Variants in GOLGA4 observed in about 807,000 individuals in gnomAD.
GOLGA4 encodes the protein golgin A4.
GOLGA4 carries 169 observed loss-of-function variants against 265.9 expected under a neutral mutation model. The observed-to-expected ratio is 0.64, with a 90% CI of 0.56 to 0.72. The LOEUF is 0.72. Among genes scored for constraint, GOLGA4 ranks in the 30% least tolerant of loss-of-function variants. The probability of loss-of-function intolerance (pLI) is 0.00; values close to 1 mark genes in which losing one functional copy is unlikely to be tolerated. For missense variants in GOLGA4, 2,482 were observed against 2,483.4 expected (o/e 1.00, Z 0.01); for synonymous variants, 923 against 855.8 (o/e 1.08, Z -1.37).
chr3:37,352,113 C>A (rs1317558888), intron 21 of GOLGA4, among the ~76,000 whole-genome samples: 1 of 152,034 alleles, frequency 6.6e-6, no homozygotes, highest in East Asian at 1.9e-4. Flanking sequence ...GGGTAATTTG[C>A]TGTACCTTCT....
intron 21 of GOLGA4, among the ~76,000 whole-genome samples, chr3:37,351,911 G>C (rs2097075813): frequency 6.6e-6 from 1 of 151,956 alleles, no homozygotes; most frequent in Non-Finnish European, 1.5e-5. Flanking sequence ...CTTCAACTGA[G>C]AGTCACAGGC....
intron 4 of GOLGA4, among the ~76,000 whole-genome samples, chr3:37,286,727 A>G (rs934906484): frequency 2.0e-5 from 3 of 152,170 alleles, no homozygotes; most frequent in Admixed American, 6.5e-5. Flanking sequence ...CTAACCTTCT[A>G]TGCTTTCCTT....
At chr3:37,307,631 CAAA>C (rs57627239) in intron 10 of GOLGA4, among the ~76,000 whole-genome samples, 4 of 130,258 alleles carry the variant, frequency 3.1e-5, no homozygotes, top group African/African-American at 5.7e-5. Context: ...GTTTCTCAGG[CAAA>C]AAAAAAAAAG....
intron 21 of GOLGA4, among the ~76,000 whole-genome samples, chr3:37,350,567 T>C (rs1199432777): frequency 1.3e-5 from 2 of 152,122 alleles, no homozygotes; most frequent in Non-Finnish European, 2.9e-5. Context: ...CAGAAACTGC[T>C]TCAGGTTATT....
intron 16 of GOLGA4, among the ~76,000 whole-genome samples, chr3:37,332,844 C>T (rs1303554932): frequency 6.6e-6 from 1 of 151,958 alleles, no homozygotes; most frequent in African/African-American, 2.4e-5. Context: ...CGTTTTTTCA[C>T]TTGTTCTTTT....
chr3:37,280,590 A>T (rs1251430751), intron 2 of GOLGA4, among the ~76,000 whole-genome samples: 14 of 152,354 alleles, frequency 9.2e-5, no homozygotes, highest in African/African-American at 3.4e-4. Context: ...CTTAGTCAAA[A>T]TGAGTTCACA....
chr3:37,358,672 C>T (rs2097096621), intron 22 of GOLGA4, among the ~76,000 whole-genome samples: 1 of 152,004 alleles, frequency 6.6e-6, no homozygotes, highest in South Asian at 2.1e-4. Flanking sequence ...TATTTAGCCT[C>T]CTTTTAGCAA....
intron 10 of GOLGA4, chr3:37,302,768 A>T (rs1047897349): frequency 9.0e-5 from 14 of 156,196 alleles, no homozygotes. Flanking sequence ...GCTTTAGGGT[A>T]AACAAAAAGT....
At chr3:37,293,767 G>A (rs114738544) in intron 5 of GOLGA4, among the ~76,000 whole-genome samples, 1,603 of 152,332 alleles carry the variant, frequency 0.011, 24 homozygotes, top group African/African-American at 0.034. Context: ...AGCAGGTATA[G>A]CTGAGAAAAG....
At chr3:37,317,917 A>T (rs1351997310) in intron 11 of GOLGA4, among the ~76,000 whole-genome samples, 6 of 147,136 alleles carry the variant, frequency 4.1e-5, no homozygotes, top group African/African-American at 7.5e-5. Flanking sequence ...TTCGTAGAAA[A>T]TTTTTTTTTT....
chr3:37,258,885 A>G (rs553892646), intron 2 of GOLGA4, among the ~76,000 whole-genome samples: 2 of 152,162 alleles, frequency 1.3e-5, no homozygotes, highest in African/African-American at 4.8e-5. Context: ...GGATTGATTC[A>G]TTAGTATTTT....
At chr3:37,265,760 G>A (rs1194721263) in intron 2 of GOLGA4, among the ~76,000 whole-genome samples, 1 of 152,044 alleles carries the variant, frequency 6.6e-6, no homozygotes, top group African/African-American at 2.4e-5. Context: ...ATTTTAGGCC[G>A]GTTGTGCTGG....
At chr3:37,256,193 C>G (rs996821085) in intron 2 of GOLGA4, among the ~76,000 whole-genome samples, 3 of 152,044 alleles carry the variant, frequency 2.0e-5, no homozygotes, top group African/African-American at 7.2e-5. Context: ...TGGCTGAGTT[C>G]TCTATTCTGT....
intron 7 of GOLGA4, among the ~76,000 whole-genome samples, chr3:37,297,968 G>T (rs2096882917): frequency 6.6e-6 from 1 of 152,048 alleles, no homozygotes; most frequent in Non-Finnish European, 1.5e-5. Context: ...GGTGGAGGTT[G>T]CAGTGAGCCG....
intron 10 of GOLGA4, among the ~76,000 whole-genome samples, chr3:37,303,086 T>C (rs1252806228): frequency 6.6e-6 from 1 of 152,226 alleles, no homozygotes; most frequent in African/African-American, 2.4e-5. Flanking sequence ...ACAGTGATCA[T>C]AGTGGGTGTG....
At chr3:37,273,900 G>A (rs1385590631) in intron 2 of GOLGA4, among the ~76,000 whole-genome samples, 1 of 152,110 alleles carries the variant, frequency 6.6e-6, no homozygotes, top group Non-Finnish European at 1.5e-5. Flanking sequence ...CCAAGAGTTC[G>A]AGACTAGCTT....
chr3:37,252,730 C>G (rs977965082), intron 2 of GOLGA4, among the ~76,000 whole-genome samples: 1 of 152,102 alleles, frequency 6.6e-6, no homozygotes, highest in South Asian at 2.1e-4. Context: ...TGATAACTAA[C>G]GAGATTGAGC....
chr3:37,284,653 T>C (rs1027101184), intron 3 of GOLGA4, among the ~76,000 whole-genome samples: 1 of 151,100 alleles, frequency 6.6e-6, no homozygotes, highest in African/African-American at 2.4e-5. Flanking sequence ...TAGACTCACC[T>C]TCCATTGCTG....
At chr3:37,255,286 C>T (rs1330908673) in intron 2 of GOLGA4, among the ~76,000 whole-genome samples, 1 of 152,106 alleles carries the variant, frequency 6.6e-6, no homozygotes, top group Non-Finnish European at 1.5e-5. Context: ...CTCAACCTCC[C>T]GAGTAACTGG....
Sources: allele counts gnomAD v4.1 joint callset (sites outside exome capture counted in the v4.1 genomes callset), GRCh38; gene constraint gnomAD v4.1.1; transcripts MANE v1.5; gene names NCBI Gene and HGNC (gene_info 2026-07-23, HGNC 2026-07-21).